Variants in CNTN5 observed in about 807,000 individuals in gnomAD.
CNTN5 encodes the protein contactin-5.
Under a neutral mutation model 129.1 loss-of-function variants are expected in CNTN5, and 77 were observed. The observed-to-expected ratio is 0.60, with a 90% CI of 0.50 to 0.72. The LOEUF (loss-of-function observed/expected upper bound fraction) is 0.72, where lower values mean the gene tolerates loss of function less well. CNTN5 is among the 30% of genes least tolerant of loss of function. The pLI, the probability that CNTN5 is intolerant of heterozygous loss-of-function variation, is 0.00. For missense variants in CNTN5, 1,478 were observed against 1,328.8 expected, an observed-to-expected ratio of 1.11 and a Z score of -1.75; for synonymous variants, 509 against 465.6, an observed-to-expected ratio of 1.09 and a Z score of -1.20.
chr11:99,697,104 A>G (rs1438802356), intron 3 of CNTN5, among the ~76,000 whole-genome samples: 1 of 151,964 alleles, frequency 6.6e-6, no homozygotes, highest in Non-Finnish European at 1.5e-5. Context: ...GTATAAAATA[A>G]ATGTCCTTGA....
At chr11:99,382,152 G>C (rs1406509520) in intron 2 of CNTN5, among the ~76,000 whole-genome samples, 2 of 152,250 alleles carry the variant, frequency 1.3e-5, no homozygotes, top group Middle Eastern at 3.4e-3. Flanking sequence ...TCCTATGCTT[G>C]ACCTAATGAC....
intron 3 of CNTN5, among the ~76,000 whole-genome samples, chr11:99,607,868 C>T (rs1950471751): frequency 7.8e-6 from 1 of 127,974 alleles, no homozygotes; most frequent in African/African-American, 2.9e-5. Context: ...CCAAACACCG[C>T]ATATTCTCAC....
At chr11:99,065,447 C>T (rs1865062047) in intron 1 of CNTN5, among the ~76,000 whole-genome samples, 1 of 152,140 alleles carries the variant, frequency 6.6e-6, no homozygotes, top group African/African-American at 2.4e-5. Flanking sequence ...AAATAGCCTC[C>T]AAACACCAGT....
chr11:100,302,034 C>A (rs1951233304), intron 20 of CNTN5, among the ~76,000 whole-genome samples: 1 of 151,328 alleles, frequency 6.6e-6, no homozygotes. Flanking sequence ...AAGAGTGAGA[C>A]CTTGTCTCAA....
chr11:99,178,395 C>A (rs1857887250), intron 1 of CNTN5, among the ~76,000 whole-genome samples: 2 of 150,400 alleles, frequency 1.3e-5, no homozygotes, highest in Admixed American at 6.6e-5. Context: ...GGGCTGTGCA[C>A]CTGTAGTCCT....
rs11218331 is a variant in CNTN5 at position 99,081,631 on chromosome 11, A to T, written c.-210+60361A>T. 0.037 allele frequency among the ~76,000 whole-genome samples: 5,608 copies of T among 152,238 alleles called. 533 individuals are homozygous for T. The East Asian group carries it at 0.38, about 10-fold the overall frequency. ...TAAACCACTGTAAGGTACAGCACTG[A>T]TATTCTTAGTCTCTTTCCAGTTATT... On this transcript the variant is annotated intron_variant, in intron 1 of 24. Coordinates refer to ENST00000524871, the MANE Select transcript of CNTN5 (RefSeq NM_014361.4).
rs758389797 is a variant in CNTN5 at position 99,556,205 on chromosome 11, G to C, written c.-10G>C. On this transcript the variant is annotated 5_prime_UTR_variant, in exon 3 of 25. Transcript: ENST00000524871. ...ACACATTGAGACACAGAAGATTCTAGTGACTGAGGATGGCTTCCTCTTGGA... is the reference window on the plus strand; with the variant it reads ...ACACATTGAGACACAGAAGATTCTACTGACTGAGGATGGCTTCCTCTTGGA... 155 of 1,499,266 alleles carry C rather than the reference G, an allele frequency of 1.0e-4. No individual in the cohort carries two copies. The highest frequency in any genetic ancestry group is 1.0e-3 in the Middle Eastern group (6 of 5,846). 92.9% of individuals were successfully genotyped at this position (1,499,266 alleles called of 1,614,324 possible). A position where few individuals can be genotyped will look rare whatever the true frequency, so the allele number is the denominator to read the frequency against.
intron 7 of CNTN5, among the ~76,000 whole-genome samples, chr11:99,931,658 G>A (rs919861528): frequency 6.6e-6 from 1 of 152,194 alleles, no homozygotes; most frequent in Admixed American, 6.5e-5. Flanking sequence ...CCATTAGTGG[G>A]AATAACTAGT....
At chr11:100,010,313 A>G (rs1380939008) in intron 9 of CNTN5, among the ~76,000 whole-genome samples, 1 of 152,090 alleles carries the variant, frequency 6.6e-6, no homozygotes, top group Non-Finnish European at 1.5e-5. Flanking sequence ...TACCATCTCT[A>G]GAGGTAAGGG....
At chr11:99,775,579 T>C (rs915492318) in intron 3 of CNTN5, among the ~76,000 whole-genome samples, 4 of 152,018 alleles carry the variant, frequency 2.6e-5, no homozygotes, top group Non-Finnish European at 5.9e-5. Flanking sequence ...GGAAAAATAA[T>C]CTAAAACTAT....
chr11:100,090,528 T>TCCA (rs1281387109), intron 13 of CNTN5, among the ~76,000 whole-genome samples: 1 of 58,918 alleles, frequency 1.7e-5, no homozygotes, highest in Non-Finnish European at 2.9e-5. Context: ...CCTCCCTCCC[T>TCCA]TCCTTCCTTC....
At chr11:99,319,330 C>T (rs557764645) in intron 1 of CNTN5, among the ~76,000 whole-genome samples, 18 of 152,310 alleles carry the variant, frequency 1.2e-4, no homozygotes, top group Admixed American at 7.8e-4. Flanking sequence ...TCCCTGGTCA[C>T]AATGATAGTC....
At chr11:100,284,663 T>G (rs1437786685) in intron 18 of CNTN5, among the ~76,000 whole-genome samples, 1 of 152,142 alleles carries the variant, frequency 6.6e-6, no homozygotes, top group Non-Finnish European at 1.5e-5. Flanking sequence ...CTTAATACGG[T>G]TGAAAAATAA....
intron 2 of CNTN5, among the ~76,000 whole-genome samples, chr11:99,531,801 G>C (rs1307535410): frequency 2.0e-5 from 3 of 152,202 alleles, no homozygotes; most frequent in Non-Finnish European, 4.4e-5. Context: ...AAGAATTCAG[G>C]TTTGGGAAAG....
At chr11:100,072,672 T>G (rs965318605) in intron 12 of CNTN5, among the ~76,000 whole-genome samples, 1 of 152,210 alleles carries the variant, frequency 6.6e-6, no homozygotes, top group African/African-American at 2.4e-5. Context: ...TCAGGAATCT[T>G]GGAGCCCACC....
chr11:100,187,660 C>T (rs1488353099), intron 13 of CNTN5, among the ~76,000 whole-genome samples: 1 of 151,870 alleles, frequency 6.6e-6, no homozygotes, highest in African/African-American at 2.4e-5. Context: ...AGTCATCTTA[C>T]CAAAGTTGAC....
intron 13 of CNTN5, among the ~76,000 whole-genome samples, chr11:100,110,158 T>A (rs2138110326): frequency 6.8e-6 from 1 of 146,066 alleles, no homozygotes; most frequent in South Asian, 2.2e-4. Context: ...CTGTACTCCA[T>A]CCTGGGTGAC....
chr11:100,244,219 G>T (rs1379305123), intron 16 of CNTN5, among the ~76,000 whole-genome samples: 1 of 152,030 alleles, frequency 6.6e-6, no homozygotes, highest in African/African-American at 2.4e-5. Context: ...TCTTCAAAAT[G>T]CCTTAGATTT....
At chr11:99,173,967 A>C (rs1857650015) in intron 1 of CNTN5, among the ~76,000 whole-genome samples, 1 of 151,542 alleles carries the variant, frequency 6.6e-6, no homozygotes, top group Non-Finnish European at 1.5e-5. Flanking sequence ...TAACTATATT[A>C]AATATAAGGA....
Sources: allele counts gnomAD v4.1 joint callset (sites outside exome capture counted in the v4.1 genomes callset), GRCh38; gene constraint gnomAD v4.1.1; transcripts MANE v1.5; gene names NCBI Gene and HGNC (gene_info 2026-07-23, HGNC 2026-07-21).